ADAMTSL1: variants seen among roughly 807,000 people sequenced by gnomAD.
The protein encoded by ADAMTSL1 is ADAMTS-like protein 1.
In ADAMTSL1, 126 loss-of-function variants were observed where a neutral mutation model predicts 201.8. The observed-to-expected ratio is 0.62, with a 90% CI of 0.54 to 0.72. The LOEUF is 0.72. Ranked by LOEUF, ADAMTSL1 falls within the 30% of genes least tolerant of loss-of-function variation. ADAMTSL1 has a pLI of 0.00. For synonymous variants in ADAMTSL1, 1,121 were observed against 903.4 expected (o/e 1.24, Z -4.32); for missense variants, 2,679 against 2,277.8 (o/e 1.18, Z -3.59).
chr9:18,141,411 G>A (rs7858383), intron 1 of ADAMTSL1, among the ~76,000 whole-genome samples: 113,950 of 152,112 alleles, frequency 0.75, 43,107 homozygotes, highest in Non-Finnish European at 0.81. Context: ...AGAACACCAG[G>A]CCAGCTTTTC....
chr9:17,996,724 CCTT>C (rs1324618757), intron 1 of ADAMTSL1, among the ~76,000 whole-genome samples: 1 of 152,010 alleles, frequency 6.6e-6, no homozygotes, highest in Middle Eastern at 3.2e-3. Flanking sequence ...CTTACTTTAT[CCTT>C]CTTCTAGATC....
At chr9:18,356,082 G>A (rs933965745) in intron 2 of ADAMTSL1, among the ~76,000 whole-genome samples, 1 of 152,228 alleles carries the variant, frequency 6.6e-6, no homozygotes, top group Non-Finnish European at 1.5e-5. Flanking sequence ...GACAATCTAA[G>A]AGTGAGCAAG....
intron 1 of ADAMTSL1, among the ~76,000 whole-genome samples, chr9:17,932,182 C>G (rs995629096): frequency 6.6e-6 from 1 of 152,176 alleles, no homozygotes; most frequent in African/African-American, 2.4e-5. Flanking sequence ...CAACCATGGG[C>G]TCAAGCAGTG....
chr9:18,073,070 T>C (rs1371133343), intron 1 of ADAMTSL1, among the ~76,000 whole-genome samples: 1 of 152,186 alleles, frequency 6.6e-6, no homozygotes, highest in East Asian at 1.9e-4. Context: ...GTTATCTTCA[T>C]TAATGAAGAG....
At chr9:18,291,749 A>T (rs111278822) in intron 2 of ADAMTSL1, among the ~76,000 whole-genome samples, 2,021 of 87,990 alleles carry the variant, frequency 0.023, 21 homozygotes, top group African/African-American at 0.067. Flanking sequence ...TCTCTCTCTC[A>T]CACACACACA....
At chr9:18,609,514 G>C (rs1825250050) in intron 4 of ADAMTSL1, among the ~76,000 whole-genome samples, 1 of 152,024 alleles carries the variant, frequency 6.6e-6, no homozygotes, top group South Asian at 2.1e-4. Context: ...AATTTGAGTT[G>C]TGATCTTACT....
chr9:18,682,049 C>A (rs1003136140), intron 12 of ADAMTSL1, 90 bp downstream of exon 12: 3 of 1,357,230 alleles, frequency 2.2e-6, no homozygotes, highest in African/African-American at 1.5e-5. Flanking sequence ...TTAAGTATCC[C>A]AAGTATTCTT....
chr9:18,289,099 A>G (rs1833141238), intron 2 of ADAMTSL1, among the ~76,000 whole-genome samples: 1 of 152,202 alleles, frequency 6.6e-6, no homozygotes, highest in Admixed American at 6.6e-5. Context: ...AAAGATATAT[A>G]CCTAATACAT....
intron 2 of ADAMTSL1, among the ~76,000 whole-genome samples, chr9:18,209,939 CCAGTA>C (rs2132310220): frequency 6.6e-6 from 1 of 152,174 alleles, no homozygotes; most frequent in East Asian, 1.9e-4. Flanking sequence ...ATGTGCCTTG[CCAGTA>C]CAGAATGCAT....
At chr9:18,314,774 G>A (rs1438347036) in intron 2 of ADAMTSL1, among the ~76,000 whole-genome samples, 5 of 142,382 alleles carry the variant, frequency 3.5e-5, no homozygotes, top group South Asian at 4.8e-4. Context: ...GCTGCCTTCG[G>A]CAGCGTGCTT....
At chr9:18,338,831 T>G (rs983281849) in intron 2 of ADAMTSL1, among the ~76,000 whole-genome samples, 8 of 152,138 alleles carry the variant, frequency 5.3e-5, no homozygotes, top group African/African-American at 1.4e-4. Flanking sequence ...TGTGTCCATA[T>G]GTACTCAAAG....
intron 1 of ADAMTSL1, among the ~76,000 whole-genome samples, chr9:18,491,600 G>A (rs1378739547): frequency 6.6e-6 from 1 of 152,186 alleles, no homozygotes; most frequent in Non-Finnish European, 1.5e-5. Context: ...CATTTAATAA[G>A]TGGTTTTGCA....
At position 18,776,795 on chromosome 9, in the gene ADAMTSL1, T is replaced by C. The variant is rs756816551; in HGVS notation, c.2566T>C (p.Ser856Pro). 2.6e-6 allele frequency: 4 copies of C among 1,553,368 alleles called. No homozygotes were observed. Among genetic ancestry groups the C allele is most frequent in the African/African-American group, 1.4e-5 (1 of 73,244 alleles). Residue 856 changes from serine to proline, a missense_variant, in exon 19 of 29, where the codon TCC (serine) becomes CCC (proline). Transcript: ENST00000380548. ...TCTCCTTCCAGGGCCCGGGCGGCCA[T>C]CCACGAAGCACAGCCCGCACATCGC... ...LATCARPGRP[S>P]TKHSPHIAAA...
At chr9:18,844,459 C>G (rs991028968) in intron 23 of ADAMTSL1, among the ~76,000 whole-genome samples, 1 of 152,192 alleles carries the variant, frequency 6.6e-6, no homozygotes, top group African/African-American at 2.4e-5. Flanking sequence ...GGGGGTGCCT[C>G]CCAGTTAGGC....
chr9:18,294,208 A>C (rs555163097), intron 2 of ADAMTSL1, among the ~76,000 whole-genome samples: 9 of 152,306 alleles, frequency 5.9e-5, no homozygotes, highest in Admixed American at 1.3e-4. Flanking sequence ...GGTTTTCTTA[A>C]AGTTCAAAAA....
intron 19 of ADAMTSL1, among the ~76,000 whole-genome samples, chr9:18,789,248 A>G (rs561564195): frequency 1.3e-5 from 2 of 152,312 alleles, no homozygotes; most frequent in South Asian, 2.1e-4. Flanking sequence ...GTTTTTTACT[A>G]CATGCCAGGC....
chr9:18,437,984 C>T (rs945802463), intron 2 of ADAMTSL1, among the ~76,000 whole-genome samples: 1 of 152,188 alleles, frequency 6.6e-6, no homozygotes, highest in African/African-American at 2.4e-5. Flanking sequence ...ATGCCCGCTG[C>T]TGTTGCTGCC....
At chr9:18,446,418 A>G (rs1252769664) in intron 2 of ADAMTSL1, among the ~76,000 whole-genome samples, 1 of 152,254 alleles carries the variant, frequency 6.6e-6, no homozygotes, top group African/African-American at 2.4e-5. Flanking sequence ...TTGTTTCTTT[A>G]AAATGCAAAA....
chr9:18,574,427 T>A, intron 4 of ADAMTSL1, 161 bp downstream of exon 4: 1 of 748,670 alleles, frequency 1.3e-6, no homozygotes, highest in Non-Finnish European at 2.3e-6. Context: ...CAGTGAAAAG[T>A]ACCAAGTGTT....
Sources: gnomAD v4.1 joint callset for allele counts (sites outside exome capture counted in the v4.1 genomes callset) on GRCh38, gnomAD v4.1.1 for gene constraint, MANE v1.5 for transcripts, NCBI Gene and HGNC (gene_info 2026-07-23, HGNC 2026-07-21) for gene names.